RECK: variants seen among roughly 807,000 people sequenced by gnomAD.
RECK encodes the protein reversion-inducing cysteine-rich protein with Kazal motifs.
Under a neutral mutation model 115.1 loss-of-function variants are expected in RECK, and 69 were observed. The ratio of observed to expected loss-of-function variants is 0.60; its 90% CI spans 0.49 to 0.73. The LOEUF is 0.73. Among genes scored for constraint, RECK ranks in the 30% least tolerant of loss-of-function variants. The pLI is 0.00. For missense variants in RECK, 1,047 were observed against 1,203.7 expected, an observed-to-expected ratio of 0.87 and a Z score of 1.93; for synonymous variants, 414 against 419.7, an observed-to-expected ratio of 0.99 and a Z score of 0.17.
chr9:36,070,472 CTT>C (rs957603556), intron 6 of RECK, among the ~76,000 whole-genome samples: 46 of 150,182 alleles, frequency 3.1e-4, no homozygotes, highest in African/African-American at 1.1e-3. Flanking sequence ...AGAATAGAAT[CTT>C]TTAGAATCTA....
chr9:36,080,824 G>A (rs766990748), intron 7 of RECK, among the ~76,000 whole-genome samples, 186 bp downstream of exon 7: 11 of 152,150 alleles, frequency 7.2e-5, no homozygotes, highest in Non-Finnish European at 1.6e-4. Flanking sequence ...GTGTGCTAGA[G>A]GATGATCACA....
At chr9:36,056,689 A>G (rs1432971418) in intron 2 of RECK, among the ~76,000 whole-genome samples, 1 of 152,168 alleles carries the variant, frequency 6.6e-6, no homozygotes, top group Non-Finnish European at 1.5e-5. Flanking sequence ...AGGAACTTTA[A>G]TTTTTAATTT....
intron 6 of RECK, among the ~76,000 whole-genome samples, chr9:36,072,393 T>C (rs1822265919): frequency 6.6e-6 from 1 of 152,202 alleles, no homozygotes; most frequent in African/African-American, 2.4e-5. Context: ...TTCAGTGTGA[T>C]TGGATCTGTA....
In RECK at chr9:36,036,990, G is replaced by T; in HGVS notation, c.-9G>T. The T allele has an allele frequency of 3.5e-6, 5 of 1,421,638 alleles. No homozygotes were observed. The highest frequency in any genetic ancestry group is 4.6e-6 in the Non-Finnish European group (5 of 1,085,854). The allele number at this position is 1,421,638 out of a possible 1,614,324, so 88.1% of individuals were successfully genotyped here. A position where few individuals can be genotyped will look rare whatever the true frequency, so the allele number is the denominator to read the frequency against. ...GCATCCCGCGGCTCTGGAGCCGCCC[G>T]GCCCGGACATGGCGACCGTCCGGGC... On this transcript the variant is annotated 5_prime_UTR_variant, in exon 1 of 21. Coordinates refer to ENST00000377966, the MANE Select transcript of RECK (RefSeq NM_021111.3).
intron 1 of RECK, 91 bp from the exon 2 acceptor site, chr9:36,052,174 A>G: frequency 1.3e-6 from 1 of 757,922 alleles, no homozygotes; most frequent in Non-Finnish European, 2.4e-6. Context: ...ATCATCATCT[A>G]CTGAATAAAT....
intron 1 of RECK, among the ~76,000 whole-genome samples, chr9:36,037,609 A>T (rs1820717738): frequency 6.6e-6 from 1 of 151,642 alleles, no homozygotes; most frequent in Non-Finnish European, 1.5e-5. Flanking sequence ...AAAAATCAGT[A>T]AACCCTGTCC....
intron 20 of RECK, among the ~76,000 whole-genome samples, chr9:36,122,369 G>A (rs1241432185): frequency 6.6e-6 from 1 of 152,232 alleles, no homozygotes; most frequent in African/African-American, 2.4e-5. Flanking sequence ...AAGTCTAAAT[G>A]TGGGTAAGAG....
chr9:36,038,479 T>C (rs1005779649), intron 1 of RECK, among the ~76,000 whole-genome samples: 4 of 152,196 alleles, frequency 2.6e-5, no homozygotes, highest in African/African-American at 9.6e-5. Context: ...ACTTACAAAA[T>C]TATGAAATAC....
At chr9:36,109,916 A>G in intron 14 of RECK, 41 bp from the exon 15 acceptor site, 1 of 1,549,566 alleles carries the variant, frequency 6.5e-7, no homozygotes, top group Non-Finnish European at 8.9e-7. Flanking sequence ...CTATTTCTCA[A>G]TGCATGATAT....
At chr9:36,056,443 A>C (rs1821529258) in intron 2 of RECK, among the ~76,000 whole-genome samples, 2 of 152,120 alleles carry the variant, frequency 1.3e-5, no homozygotes, top group African/African-American at 4.8e-5. Context: ...TATTTGATGA[A>C]TTAATTTGAT....
chr9:36,104,292 G>GTGCA (rs34438663), intron 12 of RECK, among the ~76,000 whole-genome samples: 4,632 of 43,794 alleles, frequency 0.11, 495 homozygotes, highest in Non-Finnish European at 0.13. Flanking sequence ...GTGTGTGTGT[G>GTGCA]TATATATATA....
At chr9:36,084,620 T>C (rs1822869258) in intron 8 of RECK, among the ~76,000 whole-genome samples, 1 of 151,238 alleles carries the variant, frequency 6.6e-6, no homozygotes, top group Non-Finnish European at 1.5e-5. Context: ...GATTGAAACT[T>C]GGAGGTGGAG....
At chr9:36,097,422 GA>G (rs1324352678) in intron 10 of RECK, among the ~76,000 whole-genome samples, 1 of 151,620 alleles carries the variant, frequency 6.6e-6, no homozygotes, top group Non-Finnish European at 1.5e-5. Context: ...TCAAGTATAT[GA>G]AAAAATGTTC....
intron 15 of RECK, among the ~76,000 whole-genome samples, 183 bp from the exon 16 acceptor site, chr9:36,112,122 C>CAAAAAAA (rs58460262): frequency 5.6e-5 from 4 of 71,634 alleles, no homozygotes; most frequent in Admixed American, 1.9e-4. Flanking sequence ...GACTCCATCT[C>CAAAAAAA]AAAAAAAAAA....
intron 1 of RECK, among the ~76,000 whole-genome samples, chr9:36,047,841 A>C (rs1043660213): frequency 6.7e-6 from 1 of 150,362 alleles, no homozygotes; most frequent in African/African-American, 2.4e-5. Flanking sequence ...AGCTAACCCC[A>C]CAAGTCTTTT....
chr9:36,104,421 T>C (rs1823718656), intron 12 of RECK, among the ~76,000 whole-genome samples: 1 of 138,106 alleles, frequency 7.2e-6, no homozygotes, highest in African/African-American at 2.7e-5. Context: ...TCTCGGCTCA[T>C]TGCAGCCTCT....
chr9:36,091,484 A>G, intron 10 of RECK, 141 bp downstream of exon 10: 1 of 651,510 alleles, frequency 1.5e-6, no homozygotes, highest in African/African-American at 1.9e-5. Context: ...GCAGTATTCC[A>G]TCTGGTAAGC....
chr9:36,103,984 C>T (rs1823660088), intron 12 of RECK, among the ~76,000 whole-genome samples: 1 of 151,972 alleles, frequency 6.6e-6, no homozygotes, highest in Admixed American at 6.6e-5. Context: ...GAAACTATAT[C>T]AATGGGAGGA....
chr9:36,059,747 G>C (rs1821684078), intron 3 of RECK, among the ~76,000 whole-genome samples: 2 of 152,144 alleles, frequency 1.3e-5, no homozygotes, highest in Admixed American at 1.3e-4. Flanking sequence ...GAGTTTGTTT[G>C]CAAGAGCCTC....
Sources: gnomAD v4.1 joint callset for allele counts (sites outside exome capture counted in the v4.1 genomes callset) on GRCh38, gnomAD v4.1.1 for gene constraint, MANE v1.5 for transcripts, NCBI Gene and HGNC (gene_info 2026-07-23, HGNC 2026-07-21) for gene names.